LNX2: variants seen among roughly 807,000 people sequenced by gnomAD.
LNX2 encodes ligand of Numb protein X 2.
Under a neutral mutation model 66.2 loss-of-function variants are expected in LNX2, and 35 were observed. The observed-to-expected ratio is 0.53, with a 90% CI of 0.40 to 0.70. LNX2 has a LOEUF of 0.70. Among genes scored for constraint, LNX2 ranks in the 30% least tolerant of loss-of-function variants. The pLI is 0.00. For synonymous variants in LNX2, 337 were observed against 315.6 expected, an observed-to-expected ratio of 1.07 and a Z score of -0.72; for missense variants, 791 against 850.8, an observed-to-expected ratio of 0.93 and a Z score of 0.87.
intron 1 of LNX2, among the ~76,000 whole-genome samples, chr13:27,614,866 T>G (rs1413690546): frequency 1.3e-5 from 2 of 152,110 alleles, no homozygotes; most frequent in East Asian, 3.9e-4. Flanking sequence ...TACCTTACTT[T>G]TATCTATAAA....
intron 1 of LNX2, among the ~76,000 whole-genome samples, chr13:27,596,615 C>T (rs188616094): frequency 2.0e-5 from 3 of 152,246 alleles, no homozygotes; most frequent in East Asian, 1.9e-4. Flanking sequence ...TCCCTTCCTC[C>T]GTTTCAATAT....
intron 8 of LNX2, among the ~76,000 whole-genome samples, chr13:27,551,779 G>C (rs1425819869): frequency 6.6e-6 from 1 of 152,166 alleles, no homozygotes; most frequent in Non-Finnish European, 1.5e-5. Context: ...CCATGCACTG[G>C]CCTGGATTTA....
rs1302151213 is a variant in LNX2 at position 27,559,856 on chromosome 13, G to C, written c.1354C>G (p.Pro452Ala). The change falls in exon 6 of 10, where the codon CCA (proline) becomes GCA (alanine). Residue 452 changes from proline to alanine, a missense_variant. Transcript: ENST00000316334. Reference protein sequence around the residue: ...HHTPPPYYSRPSSHKDLTQCV... With the variant: ...HHTPPPYYSRASSHKDLTQCV... ...AAAATCCTCACCTTATGTGAGCTTG[G>C]TCTGCTATAATACGGTGGTGGTGTG... 1 of 1,574,316 alleles carries C rather than the reference G, an allele frequency of 6.4e-7. No homozygotes were observed. The highest frequency in any genetic ancestry group is 8.6e-7 in the Non-Finnish European group (1 of 1,157,590).
At chr13:27,575,642 C>T (rs1023318298) in intron 2 of LNX2, among the ~76,000 whole-genome samples, 20 of 152,134 alleles carry the variant, frequency 1.3e-4, no homozygotes, top group African/African-American at 4.8e-4. Context: ...CTACTGACTT[C>T]CCTGGGTTGC....
intron 5 of LNX2, among the ~76,000 whole-genome samples, chr13:27,561,889 A>G (rs1955139825): frequency 6.6e-6 from 1 of 152,234 alleles, no homozygotes; most frequent in African/African-American, 2.4e-5. Flanking sequence ...AATAATGACT[A>G]TCCTTACTTA....
intron 9 of LNX2, 73 bp downstream of exon 9, chr13:27,550,260 C>A (rs1046710652): frequency 1.3e-5 from 17 of 1,355,102 alleles, no homozygotes; most frequent in Non-Finnish European, 1.5e-5. Flanking sequence ...TTAGTGCTGA[C>A]CCCTGACCCC....
chr13:27,610,822 CA>C (rs1955764602), intron 1 of LNX2, among the ~76,000 whole-genome samples: 1 of 151,974 alleles, frequency 6.6e-6, no homozygotes, highest in Admixed American at 6.6e-5. Flanking sequence ...GACATTTCTC[CA>C]AAAATGATAC....
chr13:27,553,431 A>G lies in LNX2; in HGVS notation c.1555T>C (p.Leu519=). Residue 519 remains leucine (L), a synonymous_variant, in exon 8 of 10, where the codon TTG becomes CTG. Coordinates refer to ENST00000316334, the MANE Select transcript of LNX2 (RefSeq NM_153371.4). ...AAATCAATGCCGTTGATATTTAGCAACACATCACCTGTTCAGATGAAGAAA... is the reference window on the plus strand; with the variant it reads ...AAATCAATGCCGTTGATATTTAGCAGCACATCACCTGTTCAGATGAAGAAA... The part of the protein sequence containing the change: ...RDGRIKRGDV[L]LNINGIDLTN... 6.2e-7 allele frequency: 1 copy of G among 1,613,062 alleles called. No homozygotes were observed. Among genetic ancestry groups the G allele is most frequent in the Non-Finnish European group, 8.5e-7 (1 of 1,179,030 alleles).
intron 1 of LNX2, among the ~76,000 whole-genome samples, chr13:27,601,196 C>T (rs1002138121): frequency 2.0e-5 from 3 of 152,066 alleles, no homozygotes; most frequent in South Asian, 2.1e-4. Flanking sequence ...ATGAGGAAAA[C>T]GGGGATCCAA....
intron 1 of LNX2, among the ~76,000 whole-genome samples, chr13:27,582,235 T>A (rs779779417): frequency 6.6e-6 from 1 of 151,976 alleles, no homozygotes; most frequent in Non-Finnish European, 1.5e-5. Context: ...GTTTCCATGG[T>A]GGAAAGCCCA....
At chr13:27,586,683 A>G (rs376172653) in intron 1 of LNX2, among the ~76,000 whole-genome samples, 27 of 152,376 alleles carry the variant, frequency 1.8e-4, no homozygotes, top group African/African-American at 6.5e-4. Context: ...ATCTGTGAGC[A>G]GTGTGAAATA....
intron 1 of LNX2, among the ~76,000 whole-genome samples, chr13:27,591,268 T>C (rs915316103): frequency 2.6e-5 from 4 of 152,216 alleles, no homozygotes; most frequent in Admixed American, 6.5e-5. Flanking sequence ...TCATTACAGA[T>C]TCATATATAT....
At chr13:27,615,330 C>T (rs377180826) in intron 1 of LNX2, among the ~76,000 whole-genome samples, 3 of 152,244 alleles carry the variant, frequency 2.0e-5, no homozygotes, top group Middle Eastern at 3.4e-3. Flanking sequence ...ATGCACAGGG[C>T]GAGGTACGGG....
At chr13:27,591,905 A>C (rs1007727859) in intron 1 of LNX2, among the ~76,000 whole-genome samples, 43 of 152,230 alleles carry the variant, frequency 2.8e-4, no homozygotes, top group African/African-American at 9.2e-4. Context: ...TAAAACCAAA[A>C]AGAAGTAACT....
intron 1 of LNX2, among the ~76,000 whole-genome samples, chr13:27,582,500 T>C (rs1329264588): frequency 6.6e-6 from 1 of 152,204 alleles, no homozygotes; most frequent in Non-Finnish European, 1.5e-5. Flanking sequence ...GTAATGCTGT[T>C]TGAGGTATAT....
chr13:27,578,154 T>C (rs756361047), intron 2 of LNX2, among the ~76,000 whole-genome samples: 1 of 152,220 alleles, frequency 6.6e-6, no homozygotes, highest in Non-Finnish European at 1.5e-5. Context: ...CAGGATTTCA[T>C]TCAAATAGGA....
intron 1 of LNX2, among the ~76,000 whole-genome samples, chr13:27,609,665 A>C (rs1955753338): frequency 1.3e-5 from 2 of 152,226 alleles, no homozygotes; most frequent in Admixed American, 1.3e-4. Context: ...AAGTTAATAC[A>C]ACATAAATTA....
chr13:27,562,388 T>C, intron 5 of LNX2, 25 bp downstream of exon 5: 1 of 1,590,826 alleles, frequency 6.3e-7, no homozygotes. Flanking sequence ...GCCAAGCCTT[T>C]GGAATGAAGG....
chr13:27,567,909 C>G, intron 3 of LNX2, 70 bp from the exon 4 acceptor site: 5 of 1,249,332 alleles, frequency 4.0e-6, no homozygotes, highest in Non-Finnish European at 5.8e-6. Context: ...AATTTATATT[C>G]TGATTATCTT....
Sources: gnomAD v4.1 joint callset for allele counts (sites outside exome capture counted in the v4.1 genomes callset) on GRCh38, gnomAD v4.1.1 for gene constraint, MANE v1.5 for transcripts, NCBI Gene and HGNC (gene_info 2026-07-23, HGNC 2026-07-21) for gene names.